The following ARHGAP10 variants were observed in gnomAD, a reference collection of about 807,000 sequenced individuals.
The protein encoded by ARHGAP10 is Rho GTPase activating protein 10.
A neutral mutation model predicts 108.6 loss-of-function variants in ARHGAP10; 87 were observed. The observed-to-expected ratio is 0.80, with a 90% CI of 0.67 to 0.96. The LOEUF (loss-of-function observed/expected upper bound fraction) is 0.96. Among genes scored for constraint, ARHGAP10 ranks in the 40% least tolerant of loss-of-function variants. ARHGAP10 has a pLI of 0.00. For missense variants in ARHGAP10, 939 were observed against 954.5 expected (o/e 0.98, Z 0.21); for synonymous variants, 347 against 341.1 (o/e 1.02, Z -0.19).
Position 147,822,910 on chromosome 4 carries a change from G to A in ARHGAP10, c.265G>A (p.Glu89Lys). ...TCTTCTTACAGATGCTTCCTTACGT[G>A]AATTTTCAAATTTTTTGAAGAATCT... ...DERCIDASLR[E>K]FSNFLKNLEE... Residue 89 changes from glutamate (E) to lysine (K), a missense_variant, in exon 3 of 23, where the codon GAA (glutamate) becomes AAA (lysine). Coordinates refer to ENST00000336498, the MANE Select transcript of ARHGAP10 (RefSeq NM_024605.4). The A allele has an allele frequency of 6.2e-7, 1 of 1,614,034 alleles. No homozygotes were observed. The highest frequency in any genetic ancestry group is 1.1e-5 in the South Asian group (1 of 91,076).
At chr4:147,800,652 C>T (rs1161828402) in intron 1 of ARHGAP10, among the ~76,000 whole-genome samples, 7 of 152,102 alleles carry the variant, frequency 4.6e-5, no homozygotes, top group African/African-American at 1.7e-4. Context: ...AGCTGTTCTT[C>T]CATTTTTGGG....
chr4:147,739,325 A>G (rs1728557791), intron 1 of ARHGAP10, among the ~76,000 whole-genome samples: 1 of 152,218 alleles, frequency 6.6e-6, no homozygotes, highest in South Asian at 2.1e-4. Context: ...GGTCATTGCA[A>G]AACTAGTAAG....
chr4:147,851,896 G>C (rs180732510), intron 4 of ARHGAP10, among the ~76,000 whole-genome samples: 20 of 152,312 alleles, frequency 1.3e-4, no homozygotes, highest in South Asian at 2.1e-4. Flanking sequence ...CTTTCAGGAA[G>C]AGTTAATTCT....
At chr4:147,969,329 T>G (rs1335921635) in intron 18 of ARHGAP10, among the ~76,000 whole-genome samples, 1 of 143,946 alleles carries the variant, frequency 6.9e-6, no homozygotes, top group African/African-American at 2.7e-5. Flanking sequence ...TTTGCCTTTT[T>G]TTTTTTTTTT....
intron 10 of ARHGAP10, among the ~76,000 whole-genome samples, chr4:147,884,384 C>T (rs1735456504): frequency 6.6e-6 from 1 of 152,112 alleles, no homozygotes; most frequent in Non-Finnish European, 1.5e-5. Context: ...GGGATCTATT[C>T]TAGTGGTTTT....
At position 147,822,735 on chromosome 4, in the gene ARHGAP10, G is replaced by A. The variant is rs1560776217; in HGVS notation, c.163G>A (p.Val55Met). ...TATACTTTTCTTTCTAGGTCTGTCA[G>A]TGGCCCAGCGGAAGTTTGCTCATTC... ...NLIAATKSLS[V>M]AQRKFAHSLR... Residue 55 changes from valine (V) to methionine (M), a missense_variant, in exon 2 of 23, where the codon GTG becomes ATG. Val to Met is a conservative substitution (Grantham distance 21, BLOSUM62 1). Transcript: ENST00000336498. 6.2e-7 allele frequency: 1 copy of A among 1,614,174 alleles called. No individual in the cohort carries two copies. The highest frequency in any genetic ancestry group is 8.5e-7 in the Non-Finnish European group (1 of 1,179,992).
At chr4:147,944,195 G>T (rs976980238) in intron 14 of ARHGAP10, among the ~76,000 whole-genome samples, 2 of 152,156 alleles carry the variant, frequency 1.3e-5, no homozygotes, top group African/African-American at 4.8e-5. Flanking sequence ...GAATTATTTA[G>T]TCCTAGTTAT....
chr4:147,946,262 C>T (rs146969846), intron 14 of ARHGAP10: 3 of 185,660 alleles, frequency 1.6e-5, no homozygotes, highest in East Asian at 2.8e-4. Flanking sequence ...CTGAAAGTGC[C>T]GCTTGCTATA....
At chr4:147,934,547 T>C (rs540402422) in intron 13 of ARHGAP10, among the ~76,000 whole-genome samples, 3 of 152,338 alleles carry the variant, frequency 2.0e-5, no homozygotes, top group African/African-American at 7.2e-5. Context: ...TGTTTTAAGA[T>C]GTACCCTGGT....
chr4:147,988,433 G>A (rs905405530), intron 18 of ARHGAP10, among the ~76,000 whole-genome samples: 1 of 152,030 alleles, frequency 6.6e-6, no homozygotes, highest in Non-Finnish European at 1.5e-5. Context: ...CTGGCCTGCC[G>A]GTCCTTTGGT....
intron 8 of ARHGAP10, among the ~76,000 whole-genome samples, chr4:147,878,932 A>G (rs1735205334): frequency 6.6e-6 from 1 of 152,034 alleles, no homozygotes; most frequent in African/African-American, 2.4e-5. Flanking sequence ...GCCTGCCACT[A>G]TGCCTGGCTA....
chr4:148,017,707 G>A (rs532007739), intron 18 of ARHGAP10, among the ~76,000 whole-genome samples: 13 of 144,762 alleles, frequency 9.0e-5, no homozygotes, highest in South Asian at 8.6e-4. Context: ...AAGGAATTCA[G>A]GGAGAGGAAG....
intron 18 of ARHGAP10, among the ~76,000 whole-genome samples, chr4:148,010,192 C>A (rs551388719): frequency 6.6e-6 from 1 of 151,978 alleles, no homozygotes; most frequent in Non-Finnish European, 1.5e-5. Context: ...AAATGGTATA[C>A]CTGTGTTAAT....
intron 4 of ARHGAP10, chr4:147,854,825 A>T: frequency 1.0e-6 from 1 of 985,396 alleles, no homozygotes; most frequent in Non-Finnish European, 1.2e-6. Context: ...GGACGAAGAT[A>T]TTTCTATTCT....
At chr4:147,915,822 A>C (rs1023636176) in intron 13 of ARHGAP10, among the ~76,000 whole-genome samples, 3 of 152,230 alleles carry the variant, frequency 2.0e-5, no homozygotes, top group African/African-American at 7.2e-5. Context: ...TGATGAGGAC[A>C]GCTGGGGGCA....
intron 1 of ARHGAP10, among the ~76,000 whole-genome samples, chr4:147,765,333 TGTGTG>T (rs1451002629): frequency 1.3e-4 from 3 of 23,186 alleles, no homozygotes; most frequent in South Asian, 2.4e-3. Flanking sequence ...GGTGTGTGTG[TGTGTG>T]GGGGGGGGGG....
chr4:147,875,191 A>G, intron 8 of ARHGAP10, 41 bp downstream of exon 8: 1 of 1,514,282 alleles, frequency 6.6e-7, no homozygotes, highest in Non-Finnish European at 8.8e-7. Flanking sequence ...CTGCTTAAAA[A>G]TGCAAATTAT....
intron 13 of ARHGAP10, among the ~76,000 whole-genome samples, chr4:147,932,053 A>G (rs1038830559): frequency 7.3e-5 from 11 of 151,658 alleles, no homozygotes; most frequent in African/African-American, 2.7e-4. Context: ...ACCAACAAAC[A>G]TATGAAAAAA....
chr4:148,023,971 G>A (rs753078461), intron 19 of ARHGAP10, among the ~76,000 whole-genome samples: 2 of 152,242 alleles, frequency 1.3e-5, no homozygotes, highest in African/African-American at 2.4e-5. Flanking sequence ...AAGTTCTCAC[G>A]TCCCTTCCGA....
Sources: gnomAD v4.1 joint callset for allele counts (sites outside exome capture counted in the v4.1 genomes callset) on GRCh38, gnomAD v4.1.1 for gene constraint, MANE v1.5 for transcripts, NCBI Gene and HGNC (gene_info 2026-07-23, HGNC 2026-07-21) for gene names.